ZC3H12C: variants seen among roughly 807,000 people sequenced by gnomAD.
ZC3H12C encodes probable ribonuclease ZC3H12C.
In ZC3H12C, 20 loss-of-function variants were observed where a neutral mutation model predicts 76.3. The ratio of observed to expected loss-of-function variants is 0.26; its 90% CI spans 0.18 to 0.38. The LOEUF (loss-of-function observed/expected upper bound fraction) is 0.38. ZC3H12C is among the 10% of genes least tolerant of loss of function. The pLI is 1.00. For missense variants in ZC3H12C, 874 were observed against 1,086.5 expected, an observed-to-expected ratio of 0.80 and a Z score of 2.75; for synonymous variants, 352 against 399.6, an observed-to-expected ratio of 0.88 and a Z score of 1.42.
intron 5 of ZC3H12C, among the ~76,000 whole-genome samples, chr11:110,163,929 C>G (rs1862526807): frequency 6.6e-6 from 1 of 152,028 alleles, no homozygotes; most frequent in Non-Finnish European, 1.5e-5. Flanking sequence ...GAAACCCTGT[C>G]TCTACTTAAA....
chr11:110,115,046 TCCA>T (rs547818306), intron 1 of ZC3H12C, among the ~76,000 whole-genome samples: 231 of 152,274 alleles, frequency 1.5e-3, no homozygotes, highest in African/African-American at 5.1e-3. Context: ...TTTTTCACTA[TCCA>T]CCATCTATAT....
At chr11:110,118,095 TAC>T (rs34649297) in intron 1 of ZC3H12C, among the ~76,000 whole-genome samples, 4 of 52,480 alleles carry the variant, frequency 7.6e-5, no homozygotes, top group Admixed American at 1.5e-4. Context: ...TATATACACA[TAC>T]ACACACATAT....
rs1862676006 is a variant in ZC3H12C, at chr11:110,171,373, AG to A, written c.*5637del. The A allele has an allele frequency of 1.3e-5, 2 of 152,212 alleles. No individual in the cohort carries two copies. Among genetic ancestry groups the A allele is most frequent in the South Asian group, 4.1e-4 (2 of 4,828 alleles). The allele number at this position is 152,212 out of a possible 1,614,324, so 9.4% of individuals were successfully genotyped here. ...TCAGGGTTTTGTCCTCCCAAACCAGAGTCATATGCTGCTAGTAGAATTTTTT... is the reference window on the plus strand; with the variant it reads ...TCAGGGTTTTGTCCTCCCAAACCAGATCATATGCTGCTAGTAGAATTTTTT... On this transcript the variant is annotated 3_prime_UTR_variant, in exon 6 of 6. Coordinates refer to ENST00000278590, the MANE Select transcript of ZC3H12C (RefSeq NM_033390.2).
intron 1 of ZC3H12C, among the ~76,000 whole-genome samples, chr11:110,100,238 T>C (rs1445045478): frequency 2.3e-5 from 3 of 130,424 alleles, no homozygotes; most frequent in African/African-American, 8.6e-5. Context: ...TGATACAGGG[T>C]CTCTCTATGT....
chr11:110,153,998 G>A (rs566700651), intron 3 of ZC3H12C, among the ~76,000 whole-genome samples: 22 of 152,210 alleles, frequency 1.4e-4, no homozygotes, highest in South Asian at 4.1e-4. Flanking sequence ...TGAGGCACCC[G>A]TGTAAAGACA....
intron 1 of ZC3H12C, among the ~76,000 whole-genome samples, chr11:110,123,348 G>A (rs1861683423): frequency 6.6e-6 from 1 of 152,174 alleles, no homozygotes; most frequent in Non-Finnish European, 1.5e-5. Context: ...TTTGCTTAAT[G>A]AATTTTTTAA....
At chr11:110,159,878 G>C (rs1347542069) in intron 4 of ZC3H12C, among the ~76,000 whole-genome samples, 1 of 152,246 alleles carries the variant, frequency 6.6e-6, no homozygotes, top group African/African-American at 2.4e-5. Context: ...TAACAACAGG[G>C]ATACGTTCTG....
chr11:110,118,518 C>T (rs990699191), intron 1 of ZC3H12C, among the ~76,000 whole-genome samples: 2 of 152,090 alleles, frequency 1.3e-5, no homozygotes, highest in African/African-American at 4.8e-5. Flanking sequence ...AAATACAAGC[C>T]GGGCACGGTG....
At chr11:110,146,343 G>A (rs1036255574) in intron 2 of ZC3H12C, among the ~76,000 whole-genome samples, 3 of 152,164 alleles carry the variant, frequency 2.0e-5, no homozygotes, top group Non-Finnish European at 4.4e-5. Context: ...AGAAACTGCA[G>A]AATTCATGGC....
Position 110,165,634 on chromosome 11 carries a change from C to A in ZC3H12C, c.2549C>A (p.Pro850His), listed in dbSNP as rs1395578049. The A allele has an allele frequency of 1.3e-6, 2 of 1,599,540 alleles. No homozygotes were observed. Among genetic ancestry groups the A allele is most frequent in the East Asian group, 2.3e-5 (1 of 44,290 alleles). Residue 850 changes from proline to histidine, a missense_variant, in exon 6 of 6, where the codon CCC (proline) becomes CAC (histidine). Pro to His is a moderately conservative substitution (Grantham distance 77). Coordinates refer to ENST00000278590, the MANE Select transcript of ZC3H12C (RefSeq NM_033390.2). ...TATATCAATTTGTGCAACATCTTCC[C>A]CCCTGACCTTGTGAGAATTGTCATG... ...KIYINLCNIF[P>H]PDLVRIVMKR...
At chr11:110,157,576 C>G (rs1591485251) in intron 3 of ZC3H12C, among the ~76,000 whole-genome samples, 1 of 152,038 alleles carries the variant, frequency 6.6e-6, no homozygotes, top group East Asian at 1.9e-4. Context: ...GCTGGGATTA[C>G]AGGTGTGCAC....
In ZC3H12C at chr11:110,101,547, A is replaced by AT. The variant is rs71476066; in HGVS notation, c.21+8133dup. On this transcript the variant is annotated intron_variant, in intron 1 of 5. Coordinates refer to ENST00000278590, the MANE Select transcript of ZC3H12C (RefSeq NM_033390.2). ...CGTAAGGCCCTTGGGAATCAATGCT[A>AT]TTTTTTTTTTTTTTTTTTGAGACAC... is the stretch of plus-strand genomic sequence containing the variant. 1.5e-3 allele frequency among the ~76,000 whole-genome samples: 202 copies of AT among 135,440 alleles called. 5 individuals are homozygous for AT. The highest frequency in any genetic ancestry group is 5.3e-3 in the South Asian group (22 of 4,142). 88.9% of individuals were successfully genotyped at this position (135,440 alleles called of 152,430 possible).
rs1204127265 is a variant in ZC3H12C at position 110,136,970 on chromosome 11, C to A, written c.329C>A (p.Pro110Gln). ...CAATTGGGTAGCATTTCAGTAGAGC[C>A]AGGCTTGATAACTAAGACTCACAGA... ...SEQLGSISVE[P>Q]GLITKTHRQL... The change falls in exon 2 of 6, where the codon CCA (proline) becomes CAA (glutamine). Residue 110 changes from proline to glutamine, a missense_variant. Physicochemically the swap from Pro to Gln is moderately conservative, Grantham distance 76. Transcript: ENST00000278590. 4.3e-6 allele frequency: 7 copies of A among 1,613,610 alleles called. No homozygotes were observed. In the African/African-American group the frequency reaches 8.0e-5, roughly 18 times the overall value.
Position 110,170,522 on chromosome 11 carries a change from T to C in ZC3H12C, c.*4785T>C, listed in dbSNP as rs910570509. 5 of 152,226 alleles carry C rather than the reference T, an allele frequency of 3.3e-5. No homozygotes were observed. Among genetic ancestry groups the C allele is most frequent in the African/African-American group, 1.2e-4 (5 of 41,460 alleles). The allele number at this position is 152,226 out of a possible 1,614,324, so 9.4% of individuals were successfully genotyped here. A position where few individuals can be genotyped will look rare whatever the true frequency, so the allele number is the denominator to read the frequency against. ...GATTAAAAATTGTGACTAGTATAAT[T>C]GTAGCTATAATGTGAGTGGCATGTT... On this transcript the variant is annotated 3_prime_UTR_variant, in exon 6 of 6. Coordinates refer to ENST00000278590, the MANE Select transcript of ZC3H12C (RefSeq NM_033390.2).
At chr11:110,162,777 G>A (rs774186263) in intron 4 of ZC3H12C, among the ~76,000 whole-genome samples, 25 of 152,132 alleles carry the variant, frequency 1.6e-4, no homozygotes, top group African/African-American at 4.8e-4. Flanking sequence ...CTAATACTTC[G>A]TGGGATCATG....
chr11:110,095,540 T>C (rs914451633), intron 1 of ZC3H12C, among the ~76,000 whole-genome samples: 11 of 152,252 alleles, frequency 7.2e-5, no homozygotes, highest in African/African-American at 2.7e-4. Context: ...TCTGCAGTTA[T>C]TGCTCATTTG....
At chr11:110,105,635 T>G (rs1448262901) in intron 1 of ZC3H12C, among the ~76,000 whole-genome samples, 1 of 152,150 alleles carries the variant, frequency 6.6e-6, no homozygotes, top group Non-Finnish European at 1.5e-5. Flanking sequence ...GACTTAAAAT[T>G]TATAATTCTT....
intron 1 of ZC3H12C, among the ~76,000 whole-genome samples, chr11:110,132,416 C>T (rs1861884578): frequency 6.6e-6 from 1 of 152,124 alleles, no homozygotes; most frequent in Admixed American, 6.6e-5. Context: ...AAAGAATTAG[C>T]TACACTTCAT....
chr11:110,143,310 T>G (rs757498381), intron 2 of ZC3H12C, among the ~76,000 whole-genome samples: 2 of 152,176 alleles, frequency 1.3e-5, no homozygotes, highest in Non-Finnish European at 2.9e-5. Flanking sequence ...GTAAGAGAAT[T>G]TAACAATCAT....
Sources: allele counts gnomAD v4.1 joint callset (sites outside exome capture counted in the v4.1 genomes callset), GRCh38; gene constraint gnomAD v4.1.1; transcripts MANE v1.5; gene names NCBI Gene and HGNC (gene_info 2026-07-23, HGNC 2026-07-21).